CAMK2B: variants seen among roughly 807,000 people sequenced by gnomAD.
CAMK2B encodes the protein calcium/calmodulin-dependent protein kinase type II subunit beta.
In CAMK2B, 27 loss-of-function variants were observed where a neutral mutation model predicts 93.7. That is an observed-to-expected ratio of 0.29 (90% CI 0.21 to 0.40). The LOEUF (loss-of-function observed/expected upper bound fraction) is 0.40, where lower values mean the gene tolerates loss of function less well. Among genes scored for constraint, CAMK2B ranks in the 10% least tolerant of loss-of-function variants. CAMK2B has a pLI of 1.00. For synonymous variants in CAMK2B, 374 were observed against 358.8 expected (o/e 1.04, Z -0.48); for missense variants, 568 against 895.8 (o/e 0.63, Z 4.67).
intron 1 of CAMK2B, 42 bp downstream of exon 1, chr7:44,325,315 T>C: frequency 8.6e-7 from 1 of 1,161,992 alleles, no homozygotes; most frequent in Non-Finnish European, 1.1e-6. Flanking sequence ...GTCCCGGCCC[T>C]CTGGGGTCCC....
At chr7:44,295,457 A>T (rs1399597468) in intron 1 of CAMK2B, among the ~76,000 whole-genome samples, 1 of 152,252 alleles carries the variant, frequency 6.6e-6, no homozygotes, top group Non-Finnish European at 1.5e-5. Flanking sequence ...CAGAATCACA[A>T]CTTACCAGAG....
At chr7:44,250,276 C>T (rs1256552779) in intron 5 of CAMK2B, among the ~76,000 whole-genome samples, 1 of 152,242 alleles carries the variant, frequency 6.6e-6, no homozygotes, top group Admixed American at 6.5e-5. Flanking sequence ...ATGTGAGACT[C>T]ACAGTCACAC....
intron 5 of CAMK2B, among the ~76,000 whole-genome samples, chr7:44,253,441 G>A (rs920284134): frequency 6.6e-6 from 1 of 152,162 alleles, no homozygotes; most frequent in Non-Finnish European, 1.5e-5. Context: ...TGGAACTCCC[G>A]ACCTCAGGTG....
intron 2 of CAMK2B, among the ~76,000 whole-genome samples, chr7:44,263,646 T>C (rs927134210): frequency 6.6e-6 from 1 of 151,984 alleles, no homozygotes; most frequent in African/African-American, 2.4e-5. Context: ...ACCGGAGGCG[T>C]GGAGGTGACT....
At chr7:44,281,971 G>A (rs1584558378) in intron 2 of CAMK2B, among the ~76,000 whole-genome samples, 1 of 152,162 alleles carries the variant, frequency 6.6e-6, no homozygotes, top group East Asian at 1.9e-4. Flanking sequence ...AGCTCATCCT[G>A]GGCTGGTCCC....
intron 4 of CAMK2B, among the ~76,000 whole-genome samples, chr7:44,256,259 G>A (rs1000244638): frequency 6.6e-6 from 1 of 152,258 alleles, no homozygotes; most frequent in Non-Finnish European, 1.5e-5. Flanking sequence ...TGGCCTGTCC[G>A]TGTGAGGGTG....
Position 44,220,890 on chromosome 7 carries a change from C to T in CAMK2B, c.1609G>A (p.Glu537Lys). The T allele has an allele frequency of 6.4e-7, 1 of 1,568,728 alleles. No individual in the cohort carries two copies. Among genetic ancestry groups the T allele is most frequent in the Non-Finnish European group, 8.7e-7 (1 of 1,155,772 alleles). Residue 537 changes from glutamate to lysine, a missense_variant, in exon 21 of 24, where the codon GAG becomes AAG. Physicochemically the swap from Glu to Lys is moderately conservative, Grantham distance 56. Transcript: ENST00000395749. ...GPLPTPSRKQ[E>K]IIKTTEQLIE... is the part of the protein sequence containing the mutation. ...AGCTGCTCCGTGGTCTTAATGATCT[C>T]CTGCTTCCGGGCTGTGGGGAGACAT...
chr7:44,247,023 C>T, intron 6 of CAMK2B, 97 bp downstream of exon 6: 1 of 954,832 alleles, frequency 1.0e-6, no homozygotes, highest in Non-Finnish European at 1.6e-6. Flanking sequence ...CTCCAAGCTC[C>T]ACAGTGCCAC....
intron 1 of CAMK2B, among the ~76,000 whole-genome samples, chr7:44,302,743 C>T (rs534555890): frequency 1.1e-4 from 17 of 152,230 alleles, no homozygotes; most frequent in African/African-American, 3.4e-4. Flanking sequence ...ACTATGAATA[C>T]AGTGGAGCTT....
chr7:44,289,873 C>T (rs1309897871), intron 1 of CAMK2B, among the ~76,000 whole-genome samples: 1 of 152,236 alleles, frequency 6.6e-6, no homozygotes, highest in Non-Finnish European at 1.5e-5. Context: ...ATTCCGTTCC[C>T]TTAGTGGAAA....
Position 44,226,532 on chromosome 7 carries a change from G to GC in CAMK2B, c.1580dup (p.Leu529ProfsTer12). 6.8e-7 allele frequency: 1 copy of GC among 1,461,504 alleles called. No homozygotes were observed. The allele number at this position is 1,461,504 out of a possible 1,614,324, so 90.5% of individuals were successfully genotyped here. A position where few individuals can be genotyped will look rare whatever the true frequency, so the allele number is the denominator to read the frequency against. Reference sequence around the variant, plus strand: ...GCTACTTACATGGGGTGGGCAGGGGGCCAGGGATAGTCGGAGATGGGCAGG... The same window carrying GC: ...GCTACTTACATGGGGTGGGCAGGGGGCCCAGGGATAGTCGGAGATGGGCAGG... On this transcript the variant is annotated frameshift_variant, in exon 20 of 24. Transcript: ENST00000395749. LOFTEE classifies it high-confidence loss of function.
At chr7:44,289,009 C>T (rs1785955902) in intron 1 of CAMK2B, among the ~76,000 whole-genome samples, 1 of 152,170 alleles carries the variant, frequency 6.6e-6, no homozygotes, top group Admixed American at 6.5e-5. Context: ...CTGCAGGATG[C>T]CCCATCCGCC....
intron 1 of CAMK2B, among the ~76,000 whole-genome samples, chr7:44,316,579 TA>T (rs1794883386): frequency 6.6e-6 from 1 of 152,178 alleles, no homozygotes; most frequent in Non-Finnish European, 1.5e-5. Context: ...GGGGAGCTTG[TA>T]AAAGACTGGT....
At chr7:44,228,420 G>A (rs373134907) in intron 19 of CAMK2B, among the ~76,000 whole-genome samples, 2 of 152,116 alleles carry the variant, frequency 1.3e-5, no homozygotes, top group East Asian at 3.9e-4. Flanking sequence ...CAGGGCCCCT[G>A]GGTGGGTGTG....
chr7:44,242,763 G>T, intron 8 of CAMK2B, 109 bp from the exon 9 acceptor site: 1 of 757,566 alleles, frequency 1.3e-6, no homozygotes, highest in East Asian at 2.7e-5. Context: ...GGAGGGCATT[G>T]GGGTCCTCAG....
At position 44,254,428 on chromosome 7, in the gene CAMK2B, G is replaced by A. The variant is rs2096812903; in HGVS notation, c.341+114C>T. 7 of 778,288 alleles carry A rather than the reference G, an allele frequency of 9.0e-6. No individual in the cohort carries two copies. In the South Asian group the frequency reaches 9.0e-5, roughly 10 times the overall value. The allele number at this position is 778,288 out of a possible 1,614,324, so 48.2% of individuals were successfully genotyped here. ...GCCCATCGCTCTGGGGTGTGGGTGA[G>A]CAGGGATGCTCAGCACCAGACGTGG... On this transcript the variant is annotated intron_variant, in intron 5 of 23. Transcript: ENST00000395749.
chr7:44,237,064 C>T (rs1287393652), intron 13 of CAMK2B, among the ~76,000 whole-genome samples: 1 of 152,268 alleles, frequency 6.6e-6, no homozygotes, highest in African/African-American at 2.4e-5. Flanking sequence ...AGGCACGTAG[C>T]CTCCGCCAAC....
rs566270764 is a variant in CAMK2B at position 44,274,364 on chromosome 7, C to A, written c.160+9767G>T. Among the ~76,000 whole-genome samples, 3 of 152,346 alleles carry A rather than the reference C, an allele frequency of 2.0e-5. No homozygotes were observed. The South Asian group carries it at 6.2e-4, about 32-fold the overall frequency. On this transcript the variant is annotated intron_variant, in intron 2 of 23. Coordinates refer to ENST00000395749, the MANE Select transcript of CAMK2B (RefSeq NM_001220.5). The stretch of plus-strand genomic sequence containing the variant: ...CCCCAGGACCTTCCAGGGCTCCCTG[C>A]AGCTGTTCCCCCTCGAGCTTTGCCC...
intron 6 of CAMK2B, among the ~76,000 whole-genome samples, chr7:44,246,612 C>T (rs905802287): frequency 3.3e-5 from 5 of 151,916 alleles, no homozygotes; most frequent in African/African-American, 1.2e-4. Context: ...CACACATGCA[C>T]ACAGGCACAC....
Sources: allele counts gnomAD v4.1 joint callset (sites outside exome capture counted in the v4.1 genomes callset), GRCh38; gene constraint gnomAD v4.1.1; transcripts MANE v1.5; gene names NCBI Gene and HGNC (gene_info 2026-07-23, HGNC 2026-07-21).